The following GORASP1 variants were observed in gnomAD, a reference collection of about 807,000 sequenced individuals.
The protein encoded by GORASP1 is Golgi reassembly-stacking protein 1.
A neutral mutation model predicts 37.7 loss-of-function variants in GORASP1; 31 were observed. That is an observed-to-expected ratio of 0.82 (90% CI 0.62 to 1.11). The LOEUF (loss-of-function observed/expected upper bound fraction) is 1.11, where lower values mean the gene tolerates loss of function less well. GORASP1 is among the 50% of genes least tolerant of loss of function. GORASP1 has a pLI of 0.00. For synonymous variants in GORASP1, 204 were observed against 224.8 expected (o/e 0.91, Z 0.83); for missense variants, 476 against 560.7 (o/e 0.85, Z 1.53).
In GORASP1 at chr3:39,097,192, A is replaced by T. The variant is rs1429790409; in HGVS notation, c.*1044T>A. On this transcript the variant is annotated 3_prime_UTR_variant, in exon 9 of 9. Transcript: ENST00000319283. ...TTACAAATGATCCTGTAAAGGTGAG[A>T]CTTTCAACTAGGCACAAGCTAGAAG... 6.6e-6 allele frequency: 1 copy of T among 152,198 alleles called. No individual in the cohort carries two copies. Among genetic ancestry groups the T allele is most frequent in the Admixed American group, 6.5e-5 (1 of 15,278 alleles). The allele number at this position is 152,198 out of a possible 1,614,324, so 9.4% of individuals were successfully genotyped here. A position where few individuals can be genotyped will look rare whatever the true frequency, so the allele number is the denominator to read the frequency against.
chr3:39,100,305 C>T lies in GORASP1; in HGVS notation c.765G>A (p.Glu255=), dbSNP rs1202957517. 3 of 1,613,616 alleles carry T rather than the reference C, an allele frequency of 1.9e-6. No homozygotes were observed. Among genetic ancestry groups the T allele is most frequent in the Non-Finnish European group, 2.5e-6 (3 of 1,179,640 alleles). ...ETGSRQSDYM[E]ALLQAPGSSM... is the part of the protein sequence containing the mutation. Reference sequence around the variant, plus strand: ...CAGTTGGCAGATTCTCCCCACATACCTCCATGTAGTCACTCTGCCTGGAAC... The same window carrying T: ...CAGTTGGCAGATTCTCCCCACATACTTCCATGTAGTCACTCTGCCTGGAAC... The change falls in exon 6 of 9, where the codon GAG becomes GAA. Residue 255 remains glutamate (E), a splice_region_variant and synonymous_variant. Coordinates refer to ENST00000319283, the MANE Select transcript of GORASP1 (RefSeq NM_031899.4). This position sits in a 1 kb window ranked among gnomAD's most constrained non-coding sequence, Gnocchi z 4.6.
Position 39,107,515 on chromosome 3 carries a change from C to A in GORASP1, c.27G>T (p.Gln9His), listed in dbSNP as rs1198335364. Residue 9 changes from glutamine (Q) to histidine (H), a missense_variant, in exon 1 of 9, where the codon CAG becomes CAT. Coordinates refer to ENST00000319283, the MANE Select transcript of GORASP1 (RefSeq NM_031899.4). MGLGVSAE[Q>H]PAGGAEGFHL... Reference sequence around the variant, plus strand: ...GGAAGCCCTCGGCGCCGCCTGCGGGCTGCTCAGCGCTGACGCCCAGGCCCA... The same window carrying A: ...GGAAGCCCTCGGCGCCGCCTGCGGGATGCTCAGCGCTGACGCCCAGGCCCA... The A allele has an allele frequency of 1.4e-6, 2 of 1,475,816 alleles. No homozygotes were observed. Among genetic ancestry groups the A allele is most frequent in the Admixed American group, 5.1e-5 (2 of 39,478 alleles). 91.4% of individuals were successfully genotyped at this position (1,475,816 alleles called of 1,614,324 possible). A position where few individuals can be genotyped will look rare whatever the true frequency, so the allele number is the denominator to read the frequency against.
At position 39,098,231 on chromosome 3, in the gene GORASP1, G is replaced by T. The variant is rs762963984; in HGVS notation, c.*5C>A. Reference sequence around the variant, plus strand: ...TCATCATGGGCCTTGTCACAGCCCAGGGTGTTATTCTGTGGTAGAGATCTG... The same window carrying T: ...TCATCATGGGCCTTGTCACAGCCCATGGTGTTATTCTGTGGTAGAGATCTG... On this transcript the variant is annotated 3_prime_UTR_variant, in exon 9 of 9. Coordinates refer to ENST00000319283, the MANE Select transcript of GORASP1 (RefSeq NM_031899.4). The surrounding 1 kb of genome is among the most constrained non-coding windows in gnomAD (Gnocchi z 4.7). 1 of 1,613,294 alleles carries T rather than the reference G, an allele frequency of 6.2e-7. No individual in the cohort carries two copies. Among genetic ancestry groups the T allele is most frequent in the East Asian group, 2.2e-5 (1 of 44,872 alleles).
chr3:39,102,974 G>C lies in GORASP1; in HGVS notation c.145-93C>G, dbSNP rs77784911. 1.9e-4 allele frequency: 219 copies of C among 1,179,020 alleles called. 1 individual carries two copies. The African/African-American group carries it at 2.9e-3, about 16-fold the overall frequency. 73.0% of individuals were successfully genotyped at this position (1,179,020 alleles called of 1,614,324 possible). A position where few individuals can be genotyped will look rare whatever the true frequency, so the allele number is the denominator to read the frequency against. ...GGCCTGAGATGGGGCAAGGGCCTTA[G>C]TGGGCAGCAGCCCTCAGCAGGGTCA... On this transcript the variant is annotated intron_variant, in intron 2 of 8. Transcript: ENST00000319283. The surrounding 1 kb of genome is among the most constrained non-coding windows in gnomAD (Gnocchi z 5.0).
Position 39,103,775 on chromosome 3 carries a change from C to T in GORASP1, c.64-222G>A. ...AAATGGCTCCTTCCTGATTATGATC[C>T]ACAGATGCTTTCAGAAATGGCTCAC... On this transcript the variant is annotated intron_variant, in intron 1 of 8. Coordinates refer to ENST00000319283, the MANE Select transcript of GORASP1 (RefSeq NM_031899.4). This position sits in a 1 kb window ranked among gnomAD's most constrained non-coding sequence, Gnocchi z 5.2. 1 of 473,126 alleles carries T rather than the reference C, an allele frequency of 2.1e-6. No homozygotes were observed. Among genetic ancestry groups the T allele is most frequent in the Non-Finnish European group, 3.7e-6 (1 of 267,648 alleles). 29.3% of individuals were successfully genotyped at this position (473,126 alleles called of 1,614,324 possible).
chr3:39,098,343 G>A lies in GORASP1; in HGVS notation c.1216C>T (p.Leu406=). 6.2e-7 allele frequency: 1 copy of A among 1,614,192 alleles called. No individual in the cohort carries two copies. The highest frequency in any genetic ancestry group is 8.5e-7 in the Non-Finnish European group (1 of 1,180,036). Reference sequence around the variant, plus strand: ...TCCTCCTCAGCCTGAGCTTCAAGCAGCTCGGCGGACAGCCCATCTTCTGGT... The same window carrying A: ...TCCTCCTCAGCCTGAGCTTCAAGCAACTCGGCGGACAGCCCATCTTCTGGT... ...ASPEDGLSAE[L]LEAQAEEEPA... Residue 406 remains leucine, a synonymous_variant, in exon 9 of 9, where the codon CTG becomes TTG. Transcript: ENST00000319283. This position sits in a 1 kb window ranked among gnomAD's most constrained non-coding sequence, Gnocchi z 4.7.
chr3:39,101,980 A>C (rs1433894212), intron 3 of GORASP1, among the ~76,000 whole-genome samples: 1 of 152,236 alleles, frequency 6.6e-6, no homozygotes, highest in African/African-American at 2.4e-5. Flanking sequence ...ATATAAGAAT[A>C]TACCAGAAAA....
rs907986378 is a variant in GORASP1, at chr3:39,100,727, C to T, written c.566+20G>A. 6.2e-7 allele frequency: 1 copy of T among 1,612,118 alleles called. No individual in the cohort carries two copies. Among genetic ancestry groups the T allele is most frequent in the Non-Finnish European group, 8.5e-7 (1 of 1,179,712 alleles). ...GGCCCCACCCACCTGGCCCTGCAGC[C>T]CTCCAACCCCACGAAGTACCTGCCC... On this transcript the variant is annotated intron_variant, in intron 5 of 8. Transcript: ENST00000319283. This position sits in a 1 kb window ranked among gnomAD's most constrained non-coding sequence, Gnocchi z 4.6.
rs947968541 is a variant in GORASP1 at position 39,096,804 on chromosome 3, G to A, written c.*1432C>T. On this transcript the variant is annotated 3_prime_UTR_variant, in exon 9 of 9. Transcript: ENST00000319283. ...CCATTTTATCCTCCAACTTATGGGG[G>A]AAGGGAAAGTAAAAGTGAGGGAGGG... The A allele has an allele frequency of 5.3e-5, 8 of 152,196 alleles. No homozygotes were observed. The highest frequency in any genetic ancestry group is 1.9e-4 in the African/African-American group (8 of 41,450). The allele number at this position is 152,196 out of a possible 1,614,324, so 9.4% of individuals were successfully genotyped here. A position where few individuals can be genotyped will look rare whatever the true frequency, so the allele number is the denominator to read the frequency against.
In GORASP1 at chr3:39,102,494, T is replaced by A; in HGVS notation, c.348+184A>T. On this transcript the variant is annotated intron_variant, in intron 3 of 8. Coordinates refer to ENST00000319283, the MANE Select transcript of GORASP1 (RefSeq NM_031899.4). This position sits in a 1 kb window ranked among gnomAD's most constrained non-coding sequence, Gnocchi z 5.0. The stretch of plus-strand genomic sequence containing the variant: ...GAAGCAAGATACACTGTTCAGGTAG[T>A]AATGAGCTGCCCTCTCTGGGACACT... 3.1e-6 allele frequency: 2 copies of A among 640,934 alleles called. No individual in the cohort carries two copies. The highest frequency in any genetic ancestry group is 5.6e-6 in the Non-Finnish European group (2 of 357,812). The allele number at this position is 640,934 out of a possible 1,614,324, so 39.7% of individuals were successfully genotyped here. A position where few individuals can be genotyped will look rare whatever the true frequency, so the allele number is the denominator to read the frequency against.
At chr3:39,099,198 C>A in intron 7 of GORASP1, 155 bp downstream of exon 7, 2 of 924,478 alleles carry the variant, frequency 2.2e-6, no homozygotes, top group East Asian at 5.2e-5. Flanking sequence ...TACAGACTCC[C>A]CATCTGTATA....
chr3:39,101,245 T>C, intron 3 of GORASP1, 143 bp from the exon 4 acceptor site: 1 of 711,080 alleles, frequency 1.4e-6, no homozygotes, highest in Non-Finnish European at 2.5e-6. Flanking sequence ...CCATACTCCC[T>C]CATTTCACCC....
chr3:39,103,816 T>C lies in GORASP1; in HGVS notation c.64-263A>G. ...AATGGCTCACAGCCCAGGACATCCT[T>C]AGGGGCTCCCAGGAGGCAATATGGA... On this transcript the variant is annotated intron_variant, in intron 1 of 8. Coordinates refer to ENST00000319283, the MANE Select transcript of GORASP1 (RefSeq NM_031899.4). The surrounding 1 kb of genome is among the most constrained non-coding windows in gnomAD (Gnocchi z 5.2). 1 of 364,358 alleles carries C rather than the reference T, an allele frequency of 2.7e-6. No homozygotes were observed. The highest frequency in any genetic ancestry group is 5.0e-6 in the Non-Finnish European group (1 of 201,724). The allele number at this position is 364,358 out of a possible 1,614,324, so 22.6% of individuals were successfully genotyped here. A position where few individuals can be genotyped will look rare whatever the true frequency, so the allele number is the denominator to read the frequency against.
intron 3 of GORASP1, 89 bp from the exon 4 acceptor site, chr3:39,101,191 G>T: frequency 8.8e-7 from 1 of 1,130,702 alleles, no homozygotes; most frequent in Non-Finnish European, 1.3e-6. Flanking sequence ...TCTTGAGGTA[G>T]TGAGTGGGAC....
Position 39,102,997 on chromosome 3 carries a change from T to G in GORASP1, c.145-116A>C, listed in dbSNP as rs2035817784. ...TAGTGGGCAGCAGCCCTCAGCAGGGTCACTGTGGGGATGGGCCAAGGTAGT... is the reference window on the plus strand; with the variant it reads ...TAGTGGGCAGCAGCCCTCAGCAGGGGCACTGTGGGGATGGGCCAAGGTAGT... On this transcript the variant is annotated intron_variant, in intron 2 of 8. Coordinates refer to ENST00000319283, the MANE Select transcript of GORASP1 (RefSeq NM_031899.4). The surrounding 1 kb of genome is among the most constrained non-coding windows in gnomAD (Gnocchi z 5.0). 1 of 989,100 alleles carries G rather than the reference T, an allele frequency of 1.0e-6. No homozygotes were observed. The highest frequency in any genetic ancestry group is 1.6e-6 in the Non-Finnish European group (1 of 622,890). 61.3% of individuals were successfully genotyped at this position (989,100 alleles called of 1,614,324 possible).
At chr3:39,104,875 C>A (rs576971545) in intron 1 of GORASP1, among the ~76,000 whole-genome samples, 1 of 152,344 alleles carries the variant, frequency 6.6e-6, no homozygotes, top group East Asian at 1.9e-4. Context: ...CTGGGCCCTG[C>A]CCTCTAACCC....
chr3:39,103,900 G>A lies in GORASP1; in HGVS notation c.64-347C>T, dbSNP rs79961658. Among the ~76,000 whole-genome samples, 5,312 of 152,270 alleles carry A rather than the reference G, an allele frequency of 0.035. 302 individuals are homozygous for A. Among genetic ancestry groups the A allele is most frequent in the African/African-American group, 0.12 (4,838 of 41,516 alleles). On this transcript the variant is annotated intron_variant, in intron 1 of 8. Coordinates refer to ENST00000319283, the MANE Select transcript of GORASP1 (RefSeq NM_031899.4). This position sits in a 1 kb window ranked among gnomAD's most constrained non-coding sequence, Gnocchi z 5.2. ...CTAGAGGGCTAGGCTAGGGTTGGCC[G>A]GAAAGCCAAAAGGGTTTACCAGAAA... is the stretch of plus-strand genomic sequence containing the variant.
Position 39,103,520 on chromosome 3 carries a change from G to C in GORASP1, c.97C>G (p.Leu33Val). Reference protein sequence around the residue: ...QENSPAQQAGLEPYFDFIITI... With the variant: ...QENSPAQQAGVEPYFDFIITI... The stretch of plus-strand genomic sequence containing the variant: ...ATGATGAAGTCAAAGTAGGGCTCCA[G>C]GCCCGCCTGCTGGGCTGGGGAGTTC... The change falls in exon 2 of 9, where the codon CTG becomes GTG. Residue 33 changes from leucine (L) to valine (V), a missense_variant. Physicochemically the swap from Leu to Val is conservative, Grantham distance 32. Coordinates refer to ENST00000319283, the MANE Select transcript of GORASP1 (RefSeq NM_031899.4). The surrounding 1 kb of genome is among the most constrained non-coding windows in gnomAD (Gnocchi z 5.2). 1 of 1,613,608 alleles carries C rather than the reference G, an allele frequency of 6.2e-7. No homozygotes were observed. Among genetic ancestry groups the C allele is most frequent in the Admixed American group, 1.7e-5 (1 of 59,984 alleles).
At chr3:39,099,934 G>A (rs752079390) in intron 6 of GORASP1, among the ~76,000 whole-genome samples, 13 of 152,196 alleles carry the variant, frequency 8.5e-5, no homozygotes, top group Non-Finnish European at 1.9e-4. Context: ...AGCTGTGAAG[G>A]CAGGGCCAGC....
Sources: gnomAD v4.1 joint callset for allele counts (sites outside exome capture counted in the v4.1 genomes callset) on GRCh38, gnomAD v4.1.1 for gene constraint, Gnocchi (gnomAD v3.1) non-coding constraint, MANE v1.5 for transcripts, NCBI Gene and HGNC (gene_info 2026-07-23, HGNC 2026-07-21) for gene names.